The following TENM4 variants were observed in gnomAD, a reference collection of about 807,000 sequenced individuals.
The protein encoded by TENM4 is teneurin transmembrane protein 4, also known as teneurin-4.
A neutral mutation model predicts 243.3 loss-of-function variants in TENM4; 82 were observed. The observed-to-expected ratio is 0.34, with a 90% CI of 0.28 to 0.40. The LOEUF is 0.40. TENM4 is among the 10% of genes least tolerant of loss of function. The probability of loss-of-function intolerance (pLI) is 1.00; values close to 1 mark genes in which losing one functional copy is unlikely to be tolerated. For synonymous variants in TENM4, 1,412 were observed against 1,456.3 expected, an observed-to-expected ratio of 0.97 and a Z score of 0.69; for missense variants, 3,138 against 3,673.3, an observed-to-expected ratio of 0.85 and a Z score of 3.77.
chr11:79,429,560 GA>G (rs112404657), intron 1 of TENM4, among the ~76,000 whole-genome samples: 11,296 of 146,356 alleles, frequency 0.077, 488 homozygotes, highest in East Asian at 0.12. Context: ...TTTTCTAACT[GA>G]AAAAAAAAAA....
At chr11:79,284,700 T>C (rs146679238) in intron 2 of TENM4, among the ~76,000 whole-genome samples, 80 of 152,282 alleles carry the variant, frequency 5.3e-4, no homozygotes, top group African/African-American at 1.9e-3. Flanking sequence ...GTAGATACAT[T>C]GGACTCTTTC....
intron 4 of TENM4, among the ~76,000 whole-genome samples, chr11:79,134,770 G>A (rs1862075026): frequency 6.6e-6 from 1 of 152,162 alleles, no homozygotes; most frequent in South Asian, 2.1e-4. Context: ...AACACATGGT[G>A]CTGGGATAAT....
intron 6 of TENM4, among the ~76,000 whole-genome samples, chr11:78,996,369 G>A (rs1858172284): frequency 6.6e-6 from 1 of 152,114 alleles, no homozygotes. Context: ...CCTTCCAACT[G>A]ACCCTGTGAA....
chr11:78,675,414 G>T (rs1273470357), intron 30 of TENM4, among the ~76,000 whole-genome samples: 2 of 152,164 alleles, frequency 1.3e-5, no homozygotes, highest in Non-Finnish European at 1.5e-5. Flanking sequence ...GGTGTGCAAG[G>T]TGCTGTGCTG....
chr11:78,907,793 A>T (rs1052120974), intron 6 of TENM4, among the ~76,000 whole-genome samples: 1 of 152,214 alleles, frequency 6.6e-6, no homozygotes, highest in African/African-American at 2.4e-5. Context: ...CTCTCACGCT[A>T]CCTGGGAGTA....
In TENM4 at chr11:78,810,174, C is replaced by T. The variant is rs370673932; in HGVS notation, c.1978+1948G>A. Reference sequence around the variant, plus strand: ...GTGGAGGACAAAGGCCCCAAGAAAACCCCATTATAAACACAAGGACAACGC... The same window carrying T: ...GTGGAGGACAAAGGCCCCAAGAAAATCCCATTATAAACACAAGGACAACGC... On this transcript the variant is annotated intron_variant, in intron 14 of 33. Coordinates refer to ENST00000278550, the MANE Select transcript of TENM4 (RefSeq NM_001098816.3). Among the ~76,000 whole-genome samples, 319 of 152,218 alleles carry T rather than the reference C, an allele frequency of 2.1e-3. 2 individuals carry two copies. Among genetic ancestry groups the T allele is most frequent in the South Asian group, 0.014 (69 of 4,816 alleles).
intron 1 of TENM4, among the ~76,000 whole-genome samples, chr11:79,395,075 T>C (rs762020756): frequency 1.3e-5 from 2 of 152,204 alleles, no homozygotes; most frequent in East Asian, 3.9e-4. Context: ...ATTCCATTTG[T>C]GGTACTTTGC....
intron 10 of TENM4, among the ~76,000 whole-genome samples, chr11:78,860,587 G>A (rs921284022): frequency 1.3e-5 from 2 of 152,198 alleles, no homozygotes; most frequent in Non-Finnish European, 2.9e-5. Context: ...ATATCTAGGG[G>A]AATGCATTTT....
chr11:78,785,337 T>C (rs926550224), intron 16 of TENM4, among the ~76,000 whole-genome samples: 7 of 152,034 alleles, frequency 4.6e-5, no homozygotes, highest in African/African-American at 7.2e-5. Flanking sequence ...AGTGGCTCTG[T>C]TGAGGGTGGA....
intron 30 of TENM4, among the ~76,000 whole-genome samples, chr11:78,675,774 C>T (rs1170833035): frequency 1.3e-5 from 2 of 152,198 alleles, no homozygotes; most frequent in East Asian, 3.9e-4. Context: ...TGACCACTTG[C>T]TATGAGCCAG....
chr11:79,355,519 C>T (rs188708872), intron 1 of TENM4, among the ~76,000 whole-genome samples: 17 of 103,152 alleles, frequency 1.6e-4, no homozygotes, highest in Admixed American at 5.4e-4. Flanking sequence ...GGTGACAGAG[C>T]GAGACTCCAT....
intron 2 of TENM4, among the ~76,000 whole-genome samples, chr11:79,277,474 C>G (rs1856078617): frequency 6.6e-6 from 1 of 152,198 alleles, no homozygotes; most frequent in Admixed American, 6.5e-5. Context: ...CTGACAATGT[C>G]TAATCAACGC....
intron 1 of TENM4, among the ~76,000 whole-genome samples, chr11:79,375,063 C>T (rs1437320145): frequency 6.6e-6 from 1 of 152,164 alleles, no homozygotes. Context: ...CTTTGTCCAG[C>T]CCATAATAAG....
At chr11:79,073,505 T>A (rs1860467549) in intron 4 of TENM4, among the ~76,000 whole-genome samples, 1 of 152,230 alleles carries the variant, frequency 6.6e-6, no homozygotes, top group Admixed American at 6.5e-5. Context: ...TGGCAGCTAC[T>A]TCATGTCTTC....
Position 79,240,335 on chromosome 11 carries a change from A to T in TENM4, c.-264-24426T>A, listed in dbSNP as rs373018287. ...TTGGCTGGGCAATGTTATAACTTAT[A>T]AACTTATAAGTTTATAAGTCCATCC... On this transcript the variant is annotated intron_variant, in intron 2 of 33. Coordinates refer to ENST00000278550, the MANE Select transcript of TENM4 (RefSeq NM_001098816.3). Among the ~76,000 whole-genome samples the T allele has an allele frequency of 5.9e-5, 9 of 152,222 alleles. No individual in the cohort carries two copies. In the East Asian group the frequency reaches 1.4e-3, roughly 23 times the overall value.
At chr11:79,104,424 G>A (rs996584075) in intron 4 of TENM4, among the ~76,000 whole-genome samples, 9 of 152,162 alleles carry the variant, frequency 5.9e-5, no homozygotes, top group African/African-American at 1.7e-4. Flanking sequence ...ATGCTCATAC[G>A]ATCACGTTTT....
At chr11:79,246,852 A>G (rs896329003) in intron 2 of TENM4, among the ~76,000 whole-genome samples, 3 of 143,434 alleles carry the variant, frequency 2.1e-5, no homozygotes, top group Admixed American at 1.4e-4. Context: ...GAGGAGCCCA[A>G]GAAAGCTTTG....
chr11:79,282,871 G>T (rs1856181381), intron 2 of TENM4, among the ~76,000 whole-genome samples: 1 of 152,052 alleles, frequency 6.6e-6, no homozygotes, highest in Non-Finnish European at 1.5e-5. Flanking sequence ...TCCCAGGCTG[G>T]GTCCCCAGTA....
chr11:79,358,222 T>C (rs1002270062), intron 1 of TENM4, among the ~76,000 whole-genome samples: 1 of 152,062 alleles, frequency 6.6e-6, no homozygotes, highest in African/African-American at 2.4e-5. Context: ...GCTGCCCCCT[T>C]CCCCAAACAT....
Sources: allele counts gnomAD v4.1 joint callset (sites outside exome capture counted in the v4.1 genomes callset), GRCh38; gene constraint gnomAD v4.1.1; transcripts MANE v1.5; gene names NCBI Gene and HGNC (gene_info 2026-07-23, HGNC 2026-07-21).